Variants in DDA1 observed in about 807,000 individuals in gnomAD.
DDA1 encodes DET1- and DDB1-associated protein 1.
In DDA1, 3 loss-of-function variants were observed where a neutral mutation model predicts 18.6. That is an observed-to-expected ratio of 0.16 (90% confidence interval 0.07 to 0.42). The LOEUF (loss-of-function observed/expected upper bound fraction) is 0.42, where lower values mean the gene tolerates loss of function less well. Among genes scored for constraint, DDA1 ranks in the 10% least tolerant of loss-of-function variants. The probability of loss-of-function intolerance (pLI) is 0.99; values close to 1 mark genes in which losing one functional copy is unlikely to be tolerated. For synonymous variants in DDA1, 52 were observed against 54.0 expected (o/e 0.96, Z 0.17); for missense variants, 105 against 138.2 (o/e 0.76, Z 1.20).
chr19:17,318,286 CAGT>C (rs2074223432), intron 4 of DDA1, among the ~76,000 whole-genome samples: 1 of 152,134 alleles, frequency 6.6e-6, no homozygotes, highest in Non-Finnish European at 1.5e-5. Context: ...GACTGGCGTG[CAGT>C]GGCGCGATCT....
intron 1 of DDA1, chr19:17,310,164 T>G: frequency 1.3e-5 from 2 of 158,034 alleles, no homozygotes; most frequent in Non-Finnish European, 1.4e-5. Flanking sequence ...TCTGGGCCCT[T>G]ACCCGCCTCT....
chr19:17,315,627 G>T, intron 3 of DDA1: 1 of 378,092 alleles, frequency 2.6e-6, no homozygotes. Context: ...TGTGGTCACT[G>T]GGCACAGATA....
Position 17,309,676 on chromosome 19 carries a change from C to T in DDA1, c.3+19C>T, listed in dbSNP as rs1359790522. ...GAAGATGGTGAGGATGGCCTCCAGG[C>T]CCCCACTCCCCCTCTGCTAGACAAA... is the stretch of plus-strand genomic sequence containing the variant. On this transcript the variant is annotated intron_variant, in intron 1 of 4. Coordinates refer to ENST00000359866, the MANE Select transcript of DDA1 (RefSeq NM_024050.6). 3 of 1,611,934 alleles carry T rather than the reference C, an allele frequency of 1.9e-6. No individual in the cohort carries two copies. The highest frequency in any genetic ancestry group is 2.5e-6 in the Non-Finnish European group (3 of 1,178,860).
chr19:17,314,425 G>C lies in DDA1; in HGVS notation c.136+36G>C, dbSNP rs773241722. 3 of 1,613,910 alleles carry C rather than the reference G, an allele frequency of 1.9e-6. No individual in the cohort carries two copies. The East Asian group carries it at 6.7e-5, about 36-fold the overall frequency. ...GCTGTCAGTCTGTCCCATTCTGGCT[G>C]CTGAGGGGCGGGGTTTGGTGACTGC... On this transcript the variant is annotated intron_variant, in intron 3 of 4. Coordinates refer to ENST00000359866, the MANE Select transcript of DDA1 (RefSeq NM_024050.6). This position sits in a 1 kb window ranked among gnomAD's most constrained non-coding sequence, Gnocchi z 4.6.
Position 17,319,902 on chromosome 19 carries a change from C to T in DDA1, c.*246C>T. ...CCCAGTAGTGTGATGTTGGTAGATG[C>T]TTTTTAAAAAAAACAACATTGTCCC... is the stretch of plus-strand genomic sequence containing the variant. On this transcript the variant is annotated 3_prime_UTR_variant, in exon 5 of 5. Transcript: ENST00000359866. 1 of 434,370 alleles carries T rather than the reference C, an allele frequency of 2.3e-6. No homozygotes were observed. Among genetic ancestry groups the T allele is most frequent in the East Asian group, 4.0e-5 (1 of 24,932 alleles). 26.9% of individuals were successfully genotyped at this position (434,370 alleles called of 1,614,324 possible). A position where few individuals can be genotyped will look rare whatever the true frequency, so the allele number is the denominator to read the frequency against.
chr19:17,322,470 C>T lies in DDA1; in HGVS notation c.*2814C>T, dbSNP rs2145680858. On this transcript the variant is annotated 3_prime_UTR_variant, in exon 5 of 5. Transcript: ENST00000359866. ...TCTCCGCCTTTGCACAGGCTGTTCT[C>T]CTGCCTCCAGTGAACTCTGACTTCT... is the stretch of plus-strand genomic sequence containing the variant. 1 of 152,900 alleles carries T rather than the reference C, an allele frequency of 6.5e-6. No individual in the cohort carries two copies. The highest frequency in any genetic ancestry group is 1.5e-5 in the Non-Finnish European group (1 of 68,432). The allele number at this position is 152,900 out of a possible 1,614,324, so 9.5% of individuals were successfully genotyped here. A position where few individuals can be genotyped will look rare whatever the true frequency, so the allele number is the denominator to read the frequency against.
In DDA1 at chr19:17,315,188, CACACACGTGTAT is replaced by C. The variant is rs1474150831; in HGVS notation, c.137-732_137-721del. Among the ~76,000 whole-genome samples the C allele has an allele frequency of 6.0e-3, 130 of 21,734 alleles. 32 individuals carry two copies. The highest frequency in any genetic ancestry group is 0.051 in the African/African-American group (114 of 2,216). 14.3% of individuals were successfully genotyped at this position (21,734 alleles called of 152,430 possible). A position where few individuals can be genotyped will look rare whatever the true frequency, so the allele number is the denominator to read the frequency against. On this transcript the variant is annotated intron_variant, in intron 3 of 4. Transcript: ENST00000359866. The stretch of plus-strand genomic sequence containing the variant: ...ACGTGTATATACACACACGTGTATA[CACACACGTGTAT>C]ACACACGTGTATATACACACACGTG...
chr19:17,309,578 G>C lies in DDA1; in HGVS notation c.-77G>C, dbSNP rs1304290495. 8.2e-6 allele frequency: 12 copies of C among 1,470,696 alleles called. No individual in the cohort carries two copies. The highest frequency in any genetic ancestry group is 1.4e-5 in the African/African-American group (1 of 72,178). 91.1% of individuals were successfully genotyped at this position (1,470,696 alleles called of 1,614,324 possible). Reference sequence around the variant, plus strand: ...CCGTGGCTGGAAGTTACTGTGAGGCGGCGGCTAAGAAGGCGGCTCTGGTGG... The same window carrying C: ...CCGTGGCTGGAAGTTACTGTGAGGCCGCGGCTAAGAAGGCGGCTCTGGTGG... On this transcript the variant is annotated 5_prime_UTR_variant, in exon 1 of 5. Transcript: ENST00000359866.
At chr19:17,317,432 G>T (rs183195831) in intron 4 of DDA1, among the ~76,000 whole-genome samples, 362 of 152,156 alleles carry the variant, frequency 2.4e-3, no homozygotes, top group Non-Finnish European at 3.9e-3. Context: ...CGGGAGAATG[G>T]TGTGAACCCA....
Position 17,319,666 on chromosome 19 carries a change from C to G in DDA1, c.*10C>G, listed in dbSNP as rs1397694719. On this transcript the variant is annotated 3_prime_UTR_variant, in exon 5 of 5. Transcript: ENST00000359866. ...GCACGAGGACACTTAAGACTCTCAACTCCACAGGCGCCTCCTGCCAGGTCT... is the reference window on the plus strand; with the variant it reads ...GCACGAGGACACTTAAGACTCTCAAGTCCACAGGCGCCTCCTGCCAGGTCT... 3.2e-6 allele frequency: 5 copies of G among 1,555,642 alleles called. No individual in the cohort carries two copies. In the African/African-American group the frequency reaches 5.5e-5, roughly 17 times the overall value.
intron 3 of DDA1, among the ~76,000 whole-genome samples, chr19:17,315,212 TATACACACACGTGTATACAC>T (rs1245256908): frequency 0.19 from 7,902 of 40,922 alleles, 2,760 homozygotes; most frequent in Middle Eastern, 0.32. Flanking sequence ...CACACGTGTA[TATACACACACGTGTATACAC>T]ACACACGTGT....
chr19:17,318,241 A>AT (rs2074223192), intron 4 of DDA1, among the ~76,000 whole-genome samples: 1 of 150,750 alleles, frequency 6.6e-6, no homozygotes, highest in African/African-American at 2.4e-5. Flanking sequence ...TTATTTATTT[A>AT]TTTTTTTGAG....
chr19:17,315,560 A>C (rs1338562302), intron 3 of DDA1, among the ~76,000 whole-genome samples: 1 of 151,524 alleles, frequency 6.6e-6, no homozygotes, highest in Non-Finnish European at 1.5e-5. Flanking sequence ...CTGGGTGACA[A>C]GAGTGAGACC....
intron 1 of DDA1, among the ~76,000 whole-genome samples, chr19:17,313,329 T>A (rs953575065): frequency 6.6e-6 from 1 of 151,298 alleles, no homozygotes; most frequent in Non-Finnish European, 1.5e-5. Flanking sequence ...CATAGTGAGC[T>A]CAGGAGGGCC....
At chr19:17,318,718 T>G (rs543316081) in intron 4 of DDA1, among the ~76,000 whole-genome samples, 1 of 150,126 alleles carries the variant, frequency 6.7e-6, no homozygotes, top group African/African-American at 2.5e-5. Flanking sequence ...CTGGAGTGAG[T>G]GCAGTGGCGT....
intron 3 of DDA1, chr19:17,315,640 C>T (rs1257553878): frequency 2.0e-5 from 9 of 440,726 alleles, no homozygotes; most frequent in Admixed American, 1.5e-4. Context: ...CACAGATATG[C>T]GGTATGTGCT....
At position 17,314,414 on chromosome 19, in the gene DDA1, C is replaced by T. The variant is rs764409992; in HGVS notation, c.136+25C>T. 1 of 1,614,194 alleles carries T rather than the reference C, an allele frequency of 6.2e-7. No homozygotes were observed. The highest frequency in any genetic ancestry group is 8.5e-7 in the Non-Finnish European group (1 of 1,180,010). On this transcript the variant is annotated intron_variant, in intron 3 of 4. Transcript: ENST00000359866. The surrounding 1 kb of genome is among the most constrained non-coding windows in gnomAD (Gnocchi z 4.6). ...AGTAAGTGGCCGCTGTCAGTCTGTC[C>T]CATTCTGGCTGCTGAGGGGCGGGGT...
At position 17,319,919 on chromosome 19, in the gene DDA1, C is replaced by T; in HGVS notation, c.*263C>T. 2.5e-6 allele frequency: 1 copy of T among 395,104 alleles called. No homozygotes were observed. Among genetic ancestry groups the T allele is most frequent in the Non-Finnish European group, 4.6e-6 (1 of 218,238 alleles). 24.5% of individuals were successfully genotyped at this position (395,104 alleles called of 1,614,324 possible). On this transcript the variant is annotated 3_prime_UTR_variant, in exon 5 of 5. Coordinates refer to ENST00000359866, the MANE Select transcript of DDA1 (RefSeq NM_024050.6). ...GGTAGATGCTTTTTAAAAAAAACAA[C>T]ATTGTCCCCCCGACCCCCGCCTTCC...
rs1005146279 is a variant in DDA1 at position 17,321,806 on chromosome 19, G to C, written c.*2150G>C. Reference sequence around the variant, plus strand: ...GGCCCAGGCACAGCACAGCCACCCTGCTGTACCTCCCAGCTCCCGGCAGTG... The same window carrying C: ...GGCCCAGGCACAGCACAGCCACCCTCCTGTACCTCCCAGCTCCCGGCAGTG... On this transcript the variant is annotated 3_prime_UTR_variant, in exon 5 of 5. Transcript: ENST00000359866. 6.6e-6 allele frequency: 1 copy of C among 152,512 alleles called. No individual in the cohort carries two copies. Among genetic ancestry groups the C allele is most frequent in the African/African-American group, 2.4e-5 (1 of 41,470 alleles). The allele number at this position is 152,512 out of a possible 1,614,324, so 9.4% of individuals were successfully genotyped here.
Sources: gnomAD v4.1 joint callset for allele counts (sites outside exome capture counted in the v4.1 genomes callset) on GRCh38, gnomAD v4.1.1 for gene constraint, Gnocchi (gnomAD v3.1) non-coding constraint, MANE v1.5 for transcripts, NCBI Gene and HGNC (gene_info 2026-07-23, HGNC 2026-07-21) for gene names.